The following ADAMTSL2 variants were observed in gnomAD, a reference collection of about 807,000 sequenced individuals.
ADAMTSL2 encodes ADAMTS-like protein 2.
In ADAMTSL2, 55 loss-of-function variants were observed where a neutral mutation model predicts 117.0. That is an observed-to-expected ratio of 0.47 (90% confidence interval 0.38 to 0.59). The LOEUF is 0.59. ADAMTSL2 is among the 20% of genes least tolerant of loss of function. The pLI is 0.00. For missense variants in ADAMTSL2, 1,182 were observed against 1,354.5 expected, an observed-to-expected ratio of 0.87 and a Z score of 2.00; for synonymous variants, 572 against 566.4, an observed-to-expected ratio of 1.01 and a Z score of -0.14.
intron 7 of ADAMTSL2, among the ~76,000 whole-genome samples, chr9:133,542,803 G>A (rs1830257095): frequency 2.0e-5 from 3 of 152,190 alleles, no homozygotes; most frequent in African/African-American, 7.2e-5. Context: ...TGGTAACCAC[G>A]CTGGGGGCTG....
At chr9:133,542,608 A>G (rs1830251979) in intron 7 of ADAMTSL2, among the ~76,000 whole-genome samples, 1 of 152,202 alleles carries the variant, frequency 6.6e-6, no homozygotes, top group Non-Finnish European at 1.5e-5. Context: ...ACGCCTGGCA[A>G]CAGCTCTACA....
Position 133,574,088 on chromosome 9 carries a change from C to T in ADAMTSL2, c.2737+101C>T, listed in dbSNP as rs1478802467. ...GAGCAGACATTGCTCACCTTGATGGCGAGCCTGGGAACCAGCTTGAGAGAC... is the reference window on the plus strand; with the variant it reads ...GAGCAGACATTGCTCACCTTGATGGTGAGCCTGGGAACCAGCTTGAGAGAC... On this transcript the variant is annotated intron_variant, in intron 18 of 18. Coordinates refer to ENST00000651351, the MANE Select transcript of ADAMTSL2 (RefSeq NM_014694.4). The T allele has an allele frequency of 1.0e-5, 15 of 1,460,070 alleles. No individual in the cohort carries two copies. The East Asian group carries it at 1.2e-4, about 12-fold the overall frequency. The allele number at this position is 1,460,070 out of a possible 1,614,324, so 90.4% of individuals were successfully genotyped here. A position where few individuals can be genotyped will look rare whatever the true frequency, so the allele number is the denominator to read the frequency against.
intron 12 of ADAMTSL2, among the ~76,000 whole-genome samples, chr9:133,564,581 A>G (rs1830902039): frequency 1.4e-5 from 1 of 70,428 alleles, no homozygotes; most frequent in Non-Finnish European, 2.7e-5. Context: ...AGGGAGAGAG[A>G]AGGAGAGAGA....
In ADAMTSL2 at chr9:133,547,186, G is replaced by T. The variant is rs758446604; in HGVS notation, c.912G>T (p.Gly304=). ...ETGIEYIVAQ[G]PTNQGLNVMV... ...GAATCGAGTACATCGTGGCACAGGG[G>T]CCCACCAACCAGGGCCTGAATGTCA... is the stretch of plus-strand genomic sequence containing the variant. The change falls in exon 9 of 19, where the codon GGG becomes GGT. Residue 304 remains glycine, a synonymous_variant. Transcript: ENST00000651351. 3 of 1,614,000 alleles carry T rather than the reference G, an allele frequency of 1.9e-6. No individual in the cohort carries two copies. The East Asian group carries it at 6.7e-5, about 36-fold the overall frequency.
rs751365777 is a variant in ADAMTSL2, at chr9:133,540,884, G to A, written c.565G>A (p.Gly189Ser). The change falls in exon 7 of 19, where the codon GGC becomes AGC. Residue 189 changes from glycine (G) to serine (S), a missense_variant. Physicochemically the swap from Gly to Ser is moderately conservative, Grantham distance 56. Transcript: ENST00000651351. The stretch of plus-strand genomic sequence containing the variant: ...TCCCTCTCCCTTCCTGCAGCCCATC[G>A]GCTGTGACGGGGTGCTTTTCTCCAC... ...VCVSGKCEPIGCDGVLFSTHT... is the reference protein window; with the variant it reads ...VCVSGKCEPISCDGVLFSTHT... The A allele has an allele frequency of 1.9e-5, 30 of 1,613,390 alleles. No individual in the cohort carries two copies. The highest frequency in any genetic ancestry group is 8.9e-5 in the East Asian group (4 of 44,882).
chr9:133,570,621 C>G, intron 17 of ADAMTSL2, 114 bp downstream of exon 17: 1 of 1,180,786 alleles, frequency 8.5e-7, no homozygotes, highest in Non-Finnish European at 1.2e-6. Context: ...CCCTGACAGC[C>G]TCTGTGAGGG....
chr9:133,537,586 A>G, intron 3 of ADAMTSL2, 39 bp downstream of exon 3: 1 of 1,331,810 alleles, frequency 7.5e-7, no homozygotes, highest in Non-Finnish European at 9.7e-7. Flanking sequence ...GGATGGCATG[A>G]GGGCAGGGTA....
intron 9 of ADAMTSL2, among the ~76,000 whole-genome samples, chr9:133,552,679 C>T (rs890380271): frequency 6.6e-6 from 1 of 152,202 alleles, no homozygotes; most frequent in Non-Finnish European, 1.5e-5. Context: ...ACAGTGATCA[C>T]ATCCTGGCAG....
rs764794815 is a variant in ADAMTSL2, at chr9:133,574,915, G to T, written c.*51G>T. ...ATGAAGACCAAGCGCCCCTCCTGGG[G>T]CTGCTGCAGCTTCTGGGGCCTCCAC... is the stretch of plus-strand genomic sequence containing the variant. On this transcript the variant is annotated 3_prime_UTR_variant, in exon 19 of 19. Transcript: ENST00000651351. 32 of 1,454,058 alleles carry T rather than the reference G, an allele frequency of 2.2e-5. No homozygotes were observed. The highest frequency in any genetic ancestry group is 1.9e-4 in the Middle Eastern group (1 of 5,166). 90.1% of individuals were successfully genotyped at this position (1,454,058 alleles called of 1,614,324 possible).
chr9:133,567,256 C>T (rs367876189), intron 13 of ADAMTSL2, among the ~76,000 whole-genome samples, 194 bp downstream of exon 13: 8,858 of 152,334 alleles, frequency 0.058, 333 homozygotes, highest in South Asian at 0.17. Flanking sequence ...GCAATTTAAT[C>T]TGTCACTGTG....
chr9:133,553,248 G>A (rs1465745767), intron 9 of ADAMTSL2, among the ~76,000 whole-genome samples: 6 of 152,132 alleles, frequency 3.9e-5, no homozygotes, highest in Non-Finnish European at 7.4e-5. Context: ...CCCACACCCC[G>A]AGTCTCAAGG....
intron 5 of ADAMTSL2, among the ~76,000 whole-genome samples, chr9:133,540,340 A>T (rs997297184): frequency 1.3e-5 from 2 of 152,206 alleles, no homozygotes; most frequent in African/African-American, 4.8e-5. Context: ...CCTCCTGCAG[A>T]GGGGGAACCC....
At chr9:133,570,231 T>A (rs1831072462) in intron 16 of ADAMTSL2, 100 bp from the exon 17 acceptor site, 3 of 1,339,068 alleles carry the variant, frequency 2.2e-6, no homozygotes, top group Non-Finnish European at 3.1e-6. Flanking sequence ...CTCACCCAAT[T>A]GCTATTGACC....
rs1258688530 is a variant in ADAMTSL2, at chr9:133,574,773, C to T, written c.2765C>T (p.Thr922Ile). 3 of 1,613,530 alleles carry T rather than the reference C, an allele frequency of 1.9e-6. No homozygotes were observed. Among genetic ancestry groups the T allele is most frequent in the Non-Finnish European group, 2.5e-6 (3 of 1,179,872 alleles). Residue 922 changes from threonine to isoleucine, a missense_variant, in exon 19 of 19, where the codon ACC becomes ATC. Transcript: ENST00000651351. The part of the protein sequence containing the change: ...PDDSCQDQPG[T>I]NCALAIKVNL... The stretch of plus-strand genomic sequence containing the variant: ...GACAGCTGCCAGGACCAGCCAGGCA[C>T]CAACTGTGCCCTGGCCATCAAAGTG...
intron 12 of ADAMTSL2, among the ~76,000 whole-genome samples, chr9:133,562,776 G>A (rs1588300523): frequency 8.6e-6 from 1 of 116,160 alleles, no homozygotes; most frequent in East Asian, 2.5e-4. Context: ...TCGCACCGCT[G>A]TGGGCGGCGT....
At chr9:133,569,669 G>A in intron 16 of ADAMTSL2, 91 bp downstream of exon 16, 1 of 1,287,696 alleles carries the variant, frequency 7.8e-7, no homozygotes, top group Admixed American at 2.1e-5. Flanking sequence ...CCACAGATGG[G>A]TGAAAAAGAG....
rs762446501 is a variant in ADAMTSL2 at position 133,536,813 on chromosome 9, T to C, written c.90+11T>C. 1 of 1,613,882 alleles carries C rather than the reference T, an allele frequency of 6.2e-7. No homozygotes were observed. Among genetic ancestry groups the C allele is most frequent in the South Asian group, 1.1e-5 (1 of 91,062 alleles). ...TCAACCGGGTCCACGGTGAGTGGGG[T>C]GTTGTGGTCTGAGGGCCCATGCCAG... On this transcript the variant is annotated intron_variant, in intron 2 of 18. Coordinates refer to ENST00000651351, the MANE Select transcript of ADAMTSL2 (RefSeq NM_014694.4).
intron 9 of ADAMTSL2, among the ~76,000 whole-genome samples, chr9:133,548,524 CA>C (rs1830406868): frequency 2.7e-5 from 4 of 150,048 alleles, no homozygotes. Flanking sequence ...GCTTGGGGGG[CA>C]GTGTCAGGAG....
At position 133,538,371 on chromosome 9, in the gene ADAMTSL2, G is replaced by A. The variant is rs771175767; in HGVS notation, c.256G>A (p.Gly86Arg). The A allele has an allele frequency of 4.6e-5, 75 of 1,613,256 alleles. No homozygotes were observed. Among genetic ancestry groups the A allele is most frequent in the Middle Eastern group, 3.3e-4 (2 of 6,084 alleles). The change falls in exon 4 of 19, where the codon GGG becomes AGG. Residue 86 changes from glycine to arginine, a missense_variant. By Grantham distance (125) the Gly-to-Arg change is moderately radical. Transcript: ENST00000651351. ...QQRRKSVPGP[G>R]NRTCTGTSKR... ...CAGGAGGAAGTCCGTCCCGGGCCCC[G>A]GGAACAGGACCTGCACGGGCACGTC...
Sources: allele counts gnomAD v4.1 joint callset (sites outside exome capture counted in the v4.1 genomes callset), GRCh38; gene constraint gnomAD v4.1.1; transcripts MANE v1.5; gene names NCBI Gene and HGNC (gene_info 2026-07-23, HGNC 2026-07-21).